The following RASL12 variants were observed in gnomAD, a reference collection of about 807,000 sequenced individuals.
RASL12 encodes the protein ras-like protein family member 12.
Under a neutral mutation model 22.9 loss-of-function variants are expected in RASL12, and 16 were observed. The observed-to-expected ratio is 0.70, with a 90% CI of 0.47 to 1.06. The LOEUF is 1.06. RASL12 is among the 50% of genes least tolerant of loss of function. RASL12 has a pLI of 0.00. For synonymous variants in RASL12, 159 were observed against 152.2 expected (o/e 1.04, Z -0.33); for missense variants, 306 against 353.1 (o/e 0.87, Z 1.07).
At chr15:65,063,124 A>G (rs1446671165) in intron 2 of RASL12, among the ~76,000 whole-genome samples, 3 of 152,152 alleles carry the variant, frequency 2.0e-5, no homozygotes, top group African/African-American at 7.2e-5. Flanking sequence ...ACCCTGTGAC[A>G]GTATCGATTG....
chr15:65,054,843 C>CTGT lies in RASL12; in HGVS notation c.*53_*55dup. On this transcript the variant is annotated 3_prime_UTR_variant, in exon 5 of 5. Transcript: ENST00000220062. ...AAGGCTGGTGGTGAGAAGCCAGTCC[C>CTGT]TGTCCTGCTGCAGTCCTGTCCAGCC... 1 of 1,554,154 alleles carries CTGT rather than the reference C, an allele frequency of 6.4e-7. No individual in the cohort carries two copies. Among genetic ancestry groups the CTGT allele is most frequent in the Non-Finnish European group, 8.7e-7 (1 of 1,150,384 alleles).
At chr15:65,058,760 T>C in intron 3 of RASL12, 143 bp from the exon 4 acceptor site, 1 of 609,318 alleles carries the variant, frequency 1.6e-6, no homozygotes, top group Non-Finnish European at 2.7e-6. Flanking sequence ...GGCACTTGAG[T>C]GTGGATTTGG....
At chr15:65,062,307 C>T (rs373481542) in intron 2 of RASL12, among the ~76,000 whole-genome samples, 27 of 152,292 alleles carry the variant, frequency 1.8e-4, no homozygotes, top group African/African-American at 4.8e-4. Flanking sequence ...CCCCAGAAAA[C>T]GGTGCAACTC....
rs1409349167 is a variant in RASL12, at chr15:65,067,930, C to T, written c.-95G>A. 2 of 1,290,716 alleles carry T rather than the reference C, an allele frequency of 1.5e-6. No homozygotes were observed. Among genetic ancestry groups the T allele is most frequent in the Admixed American group, 4.3e-5 (1 of 23,282 alleles). The allele number at this position is 1,290,716 out of a possible 1,614,324, so 80.0% of individuals were successfully genotyped here. A position where few individuals can be genotyped will look rare whatever the true frequency, so the allele number is the denominator to read the frequency against. ...CCCAGGGGAGCGGGATGCAGGCTTC[C>T]CTGGAGCGCGCGGCCCCGGACCCGT... On this transcript the variant is annotated 5_prime_UTR_variant, in exon 1 of 5. Coordinates refer to ENST00000220062, the MANE Select transcript of RASL12 (RefSeq NM_016563.4).
intron 1 of RASL12, among the ~76,000 whole-genome samples, chr15:65,073,122 G>A (rs2086943128): frequency 6.6e-6 from 1 of 152,166 alleles, no homozygotes; most frequent in Non-Finnish European, 1.5e-5. Context: ...AAAAAACACA[G>A]TGGTATGGGC....
chr15:65,049,801 T>C (rs2086625555), downstream of RASL12: 3 of 436,590 alleles, frequency 6.9e-6, no homozygotes, highest in Non-Finnish European at 1.2e-5. Flanking sequence ...GTCGTTTTTG[T>C]CCCATAACTT....
downstream of RASL12, among the ~76,000 whole-genome samples, chr15:65,048,874 G>A (rs2086609586): frequency 6.6e-6 from 1 of 152,086 alleles, no homozygotes; most frequent in Non-Finnish European, 1.5e-5. Context: ...TGGGGCGGTA[G>A]TGACATGCGC....
chr15:65,051,911 C>T (rs373491709), downstream of RASL12, among the ~76,000 whole-genome samples: 1 of 152,322 alleles, frequency 6.6e-6, no homozygotes. Flanking sequence ...ACACATGCAC[C>T]TCAGCAAAGT....
intron 4 of RASL12, 148 bp from the exon 5 acceptor site, chr15:65,055,422 G>A: frequency 1.5e-6 from 1 of 665,494 alleles, no homozygotes; most frequent in Non-Finnish European, 2.5e-6. Context: ...TATCAGTACA[G>A]TGGGTTACTG....
chr15:65,059,128 G>A (rs1319312086), intron 3 of RASL12, among the ~76,000 whole-genome samples: 1 of 152,244 alleles, frequency 6.6e-6, no homozygotes, highest in Non-Finnish European at 1.5e-5. Context: ...GCAGATGCCA[G>A]CAACCATCAT....
chr15:65,051,632 G>C (rs765514778), downstream of RASL12: 2 of 1,608,474 alleles, frequency 1.2e-6, no homozygotes, highest in South Asian at 1.1e-5. Flanking sequence ...GGGGGGATGG[G>C]GTGGTCTCTG....
At chr15:65,050,350 CAG>C (rs1255594638), downstream of RASL12, among the ~76,000 whole-genome samples, 1 of 152,186 alleles carries the variant, frequency 6.6e-6, no homozygotes, top group African/African-American at 2.4e-5. Context: ...TACTCTGTAC[CAG>C]ACACTGTTCT....
chr15:65,076,498 G>A, intron 1 of RASL12: 1 of 684,268 alleles, frequency 1.5e-6, no homozygotes, highest in Admixed American at 2.1e-5. Context: ...ACAGACTCCA[G>A]ACACGCTACC....
chr15:65,062,960 T>C (rs1196466197), intron 2 of RASL12, among the ~76,000 whole-genome samples: 2 of 152,152 alleles, frequency 1.3e-5, no homozygotes, highest in Admixed American at 6.5e-5. Context: ...GGGCTGTCAG[T>C]GTAGTGTGAG....
At chr15:65,071,833 G>GC (rs895828682), upstream of RASL12, among the ~76,000 whole-genome samples, 4 of 152,118 alleles carry the variant, frequency 2.6e-5, no homozygotes, top group African/African-American at 9.7e-5. Flanking sequence ...CTCCAGCCCT[G>GC]CCCCCAGCAG....
At chr15:65,050,913 T>C (rs1191036105), downstream of RASL12, among the ~76,000 whole-genome samples, 1 of 148,388 alleles carries the variant, frequency 6.7e-6, no homozygotes, top group East Asian at 2.1e-4. Context: ...GGTGCAATCT[T>C]GGCTCACTGC....
chr15:65,075,999 G>A (rs918556662), intron 1 of RASL12, among the ~76,000 whole-genome samples: 10 of 152,224 alleles, frequency 6.6e-5, no homozygotes, highest in African/African-American at 2.4e-4. Flanking sequence ...GAACCTGTAT[G>A]TGGAAACTCT....
upstream of RASL12, chr15:65,068,101 G>C: frequency 9.6e-7 from 1 of 1,045,290 alleles, no homozygotes; most frequent in East Asian, 7.7e-5. The surrounding 1 kb of genome is among the most constrained non-coding windows in gnomAD (Gnocchi z 4.2). Flanking sequence ...GCGCTCAGCC[G>C]GCTCCTGGAG....
chr15:65,049,051 T>C (rs893584823), downstream of RASL12: 14 of 149,534 alleles, frequency 9.4e-5, no homozygotes, highest in African/African-American at 3.4e-4. Flanking sequence ...ACAATTTTAA[T>C]ATTGGCCTGA....
Sources: gnomAD v4.1 joint callset for allele counts (sites outside exome capture counted in the v4.1 genomes callset) on GRCh38, gnomAD v4.1.1 for gene constraint, Gnocchi (gnomAD v3.1) non-coding constraint, MANE v1.5 for transcripts, NCBI Gene and HGNC (gene_info 2026-07-23, HGNC 2026-07-21) for gene names.